The following DENND3 variants were observed in gnomAD, a reference collection of about 807,000 sequenced individuals.
DENND3 encodes the protein DENN domain containing 3, also known as DENN domain-containing protein 3.
A neutral mutation model predicts 135.1 loss-of-function variants in DENND3; 88 were observed. The observed-to-expected ratio is 0.65, with a 90% CI of 0.55 to 0.78. The LOEUF is 0.78. DENND3 is among the 30% of genes least tolerant of loss of function. The probability of loss-of-function intolerance (pLI) is 0.00; values close to 1 mark genes in which losing one functional copy is unlikely to be tolerated. For missense variants in DENND3, 1,392 were observed against 1,688.4 expected, an observed-to-expected ratio of 0.82 and a Z score of 3.08; for synonymous variants, 693 against 712.3, an observed-to-expected ratio of 0.97 and a Z score of 0.43.
At chr8:141,180,958 C>G in intron 17 of DENND3, 104 bp downstream of exon 17, 1 of 901,654 alleles carries the variant, frequency 1.1e-6, no homozygotes, top group Non-Finnish European at 1.7e-6. Context: ...GCCAGTGTCA[C>G]GGGATAAGTG....
intron 5 of DENND3, among the ~76,000 whole-genome samples, chr8:141,147,164 T>C (rs1479667581): frequency 1.3e-5 from 2 of 152,194 alleles, no homozygotes; most frequent in African/African-American, 4.8e-5. Context: ...CCTTCAGTGT[T>C]CCTTTCCAGT....
intron 10 of DENND3, 47 bp downstream of exon 10, chr8:141,163,476 AT>A: frequency 1.6e-6 from 2 of 1,224,142 alleles, no homozygotes; most frequent in Non-Finnish European, 2.4e-6. Flanking sequence ...TCAATCCATT[AT>A]CCTTTTCTGT....
intron 17 of DENND3, among the ~76,000 whole-genome samples, chr8:141,181,707 C>G (rs1823132848): frequency 6.6e-6 from 1 of 152,040 alleles, no homozygotes; most frequent in African/African-American, 2.4e-5. Flanking sequence ...GAAGCTTATG[C>G]TGAGGGTTTA....
At chr8:141,190,662 G>C (rs1050582446) in intron 20 of DENND3, 1 of 482,182 alleles carries the variant, frequency 2.1e-6, no homozygotes, top group South Asian at 3.2e-5. Context: ...TTGCCTGGAC[G>C]CACCACTGCT....
chr8:141,131,783 T>A lies in DENND3; in HGVS notation c.102+2974T>A, dbSNP rs188046612. 3.3e-4 allele frequency among the ~76,000 whole-genome samples: 50 copies of A among 152,242 alleles called. 1 individual carries two copies. The highest frequency in any genetic ancestry group is 1.1e-3 in the African/African-American group (47 of 41,548). On this transcript the variant is annotated intron_variant, in intron 1 of 22. Coordinates refer to ENST00000519811, the MANE Select transcript of DENND3 (RefSeq NM_001352890.3). ...GCAGTTTTAAAAACCAAAATGATGG[T>A]TATTGGGTAGGGGTTTAATAAGTCA...
At chr8:141,129,950 A>G (rs1216666326) in intron 1 of DENND3, 1 of 152,000 alleles carries the variant, frequency 6.6e-6, no homozygotes, top group Non-Finnish European at 1.5e-5. Context: ...CTTCCCTTCA[A>G]CGCCCTGTCA....
rs866333909 is a variant in DENND3 at position 141,145,831 on chromosome 8, A to G, written c.735+1572A>G. On this transcript the variant is annotated intron_variant, in intron 5 of 22. Transcript: ENST00000519811. The stretch of plus-strand genomic sequence containing the variant: ...TATATATATATATATATATATATAT[A>G]TATATATATATATATATATGTATTT... Among the ~76,000 whole-genome samples, 86 of 70,042 alleles carry G rather than the reference A, an allele frequency of 1.2e-3. 1 individual carries two copies. The highest frequency in any genetic ancestry group is 6.6e-3 in the African/African-American group (47 of 7,148). The allele number at this position is 70,042 out of a possible 152,430, so 46.0% of individuals were successfully genotyped here.
In DENND3 at chr8:141,150,254, C is replaced by G. The variant is rs545429320; in HGVS notation, c.736-580C>G. ...CAGAAGCCCTCCCTCAGTGAAGGAACTGAACCTTCTCCTCTGGATTTCCTC... is the reference window on the plus strand; with the variant it reads ...CAGAAGCCCTCCCTCAGTGAAGGAAGTGAACCTTCTCCTCTGGATTTCCTC... On this transcript the variant is annotated intron_variant, in intron 5 of 22. Coordinates refer to ENST00000519811, the MANE Select transcript of DENND3 (RefSeq NM_001352890.3). The G allele has an allele frequency of 1.9e-5, 23 of 1,207,210 alleles. No homozygotes were observed. The South Asian group carries it at 3.0e-4, about 16-fold the overall frequency. 74.8% of individuals were successfully genotyped at this position (1,207,210 alleles called of 1,614,324 possible).
At chr8:141,192,733 T>C in intron 22 of DENND3, 70 bp downstream of exon 22, 1 of 1,608,794 alleles carries the variant, frequency 6.2e-7, no homozygotes, top group Non-Finnish European at 8.5e-7. Flanking sequence ...ATCCCCATGC[T>C]CCCGAGAGCC....
chr8:141,185,361 T>C (rs918838212), intron 18 of DENND3, 83 bp downstream of exon 18: 1 of 1,570,008 alleles, frequency 6.4e-7, no homozygotes, highest in Non-Finnish European at 8.7e-7. Flanking sequence ...TATTCGACAG[T>C]AGGATACAAG....
chr8:141,163,887 G>A (rs781153606), intron 10 of DENND3, among the ~76,000 whole-genome samples: 28 of 135,486 alleles, frequency 2.1e-4, no homozygotes, highest in African/African-American at 6.1e-4. Flanking sequence ...CAGCCTGGGC[G>A]ACAGAGCAAG....
chr8:141,180,036 G>A lies in DENND3; in HGVS notation c.2837-711G>A, dbSNP rs565205278. Among the ~76,000 whole-genome samples, 6 of 152,298 alleles carry A rather than the reference G, an allele frequency of 3.9e-5. No individual in the cohort carries two copies. The South Asian group carries it at 1.2e-3, about 32-fold the overall frequency. ...TGTGCCCGGGGGCCTCCAGGCAGGA[G>A]GCCGCTTTAGGTTTTGCCTGGAAAC... On this transcript the variant is annotated intron_variant, in intron 16 of 22. Coordinates refer to ENST00000519811, the MANE Select transcript of DENND3 (RefSeq NM_001352890.3).
At position 141,194,282 on chromosome 8, in the gene DENND3, G is replaced by A. The variant is rs919561846; in HGVS notation, c.*49G>A. 1.3e-6 allele frequency: 2 copies of A among 1,581,540 alleles called. No individual in the cohort carries two copies. Among genetic ancestry groups the A allele is most frequent in the Non-Finnish European group, 1.7e-6 (2 of 1,163,100 alleles). ...AACTGTGCCCTATGTGTGGGGACTG[G>A]CTGCCCCCTAGAGCCTGCCAGGAGC... On this transcript the variant is annotated 3_prime_UTR_variant, in exon 23 of 23. Transcript: ENST00000519811.
At position 141,151,753 on chromosome 8, in the gene DENND3, G is replaced by C. The variant is rs761636095; in HGVS notation, c.990G>C (p.Leu330=). 5 of 1,614,080 alleles carry C rather than the reference G, an allele frequency of 3.1e-6. No homozygotes were observed. The highest frequency in any genetic ancestry group is 1.6e-4 in the Middle Eastern group (1 of 6,084). ...LQWQHPFVPI[L]SDQMLDFVMA... ...GGCAGCACCCCTTCGTGCCCATCCTGTCGGACCAGATGCTGGATTTCGTCA... is the reference window on the plus strand; with the variant it reads ...GGCAGCACCCCTTCGTGCCCATCCTCTCGGACCAGATGCTGGATTTCGTCA... The change falls in exon 7 of 23, where the codon CTG becomes CTC. Residue 330 remains leucine (L), a synonymous_variant. Coordinates refer to ENST00000519811, the MANE Select transcript of DENND3 (RefSeq NM_001352890.3).
At chr8:141,165,722 C>A (rs1395564647) in intron 11 of DENND3, among the ~76,000 whole-genome samples, 1 of 152,180 alleles carries the variant, frequency 6.6e-6, no homozygotes, top group African/African-American at 2.4e-5. Flanking sequence ...CCTCAGCCTC[C>A]CAAAGTGCTG....
At chr8:141,178,259 C>T (rs1321128887) in intron 16 of DENND3, 63 bp downstream of exon 16, 13 of 1,561,008 alleles carry the variant, frequency 8.3e-6, no homozygotes, top group Non-Finnish European at 1.0e-5. Context: ...GTGATTTTAT[C>T]TGGTCGATGT....
At chr8:141,151,511 T>C in intron 6 of DENND3, 108 bp from the exon 7 acceptor site, 3 of 1,049,968 alleles carry the variant, frequency 2.9e-6, no homozygotes, top group Non-Finnish European at 4.2e-6. Flanking sequence ...CAGTGAGCTA[T>C]GATCACACCA....
At position 141,136,780 on chromosome 8, in the gene DENND3, T is replaced by A; in HGVS notation, c.374T>A (p.Leu125Gln). The change falls in exon 2 of 23, where the codon CTG becomes CAG. Residue 125 changes from leucine (L) to glutamine (Q), a missense_variant. Leu to Gln is a moderately radical substitution (Grantham distance 113, BLOSUM62 -2). Transcript: ENST00000519811. Reference protein sequence around the residue: ...GGVDLLTLPQLCFPGGVCVAT... With the variant: ...GGVDLLTLPQQCFPGGVCVAT... ...GTGGACCTCCTCACCCTGCCGCAGC[T>A]GTGCTTCCCAGGTATGTCTAGGAGG... 1 of 1,576,996 alleles carries A rather than the reference T, an allele frequency of 6.3e-7. No individual in the cohort carries two copies. The highest frequency in any genetic ancestry group is 1.9e-5 in the Admixed American group (1 of 53,374).
In DENND3 at chr8:141,130,196, T is replaced by C. The variant is rs75453842; in HGVS notation, c.102+1387T>C. Among the ~76,000 whole-genome samples, 41 of 152,314 alleles carry C rather than the reference T, an allele frequency of 2.7e-4. No individual in the cohort carries two copies. Among genetic ancestry groups the C allele is most frequent in the Admixed American group, 8.5e-4 (13 of 15,298 alleles). The stretch of plus-strand genomic sequence containing the variant: ...AGGGCAGGGCGAATCAACTGGAATA[T>C]TTGCAGTGGTGCTTTCTTTTTTTCA... On this transcript the variant is annotated intron_variant, in intron 1 of 22. Coordinates refer to ENST00000519811, the MANE Select transcript of DENND3 (RefSeq NM_001352890.3). The surrounding 1 kb of genome is among the most constrained non-coding windows in gnomAD (Gnocchi z 4.2).
Sources: allele counts gnomAD v4.1 joint callset (sites outside exome capture counted in the v4.1 genomes callset), GRCh38; gene constraint gnomAD v4.1.1; non-coding constraint Gnocchi (gnomAD v3.1); transcripts MANE v1.5; gene names NCBI Gene and HGNC (gene_info 2026-07-23, HGNC 2026-07-21).